EMC10: variants seen among roughly 807,000 people sequenced by gnomAD.
EMC10 encodes the protein ER membrane protein complex subunit 10, also known as UPF0510 protein INM02.
In EMC10, 40 loss-of-function variants were observed where a neutral mutation model predicts 32.2. The ratio of observed to expected loss-of-function variants is 1.24; its 90% CI spans 0.96 to 1.61. EMC10 has a LOEUF of 1.61. Ranked by LOEUF, EMC10 falls within the 40% of genes most tolerant of loss-of-function variation. The probability of loss-of-function intolerance (pLI) is 0.00; values close to 1 mark genes in which losing one functional copy is unlikely to be tolerated. For missense variants in EMC10, 402 were observed against 357.7 expected (o/e 1.12, Z -1.00); for synonymous variants, 178 against 158.4 (o/e 1.12, Z -0.93).
rs772372222 is a variant in EMC10 at position 50,480,619 on chromosome 19, C to T, written c.441C>T (p.Thr147=). ...LVESHLSDQL[T]LHVDVAGNVV... ...AGTCGCACCTGTCGGACCAGCTGAC[C>T]CTGCACGTGGATGTGGCCGGCAACG... Residue 147 remains threonine (T), a synonymous_variant, in exon 5 of 7, where the codon ACC becomes ACT. Transcript: ENST00000334976. The surrounding 1 kb of genome is among the most constrained non-coding windows in gnomAD (Gnocchi z 4.4). 3 of 1,573,882 alleles carry T rather than the reference C, an allele frequency of 1.9e-6. No individual in the cohort carries two copies. Among genetic ancestry groups the T allele is most frequent in the South Asian group, 1.2e-5 (1 of 85,822 alleles).
intron 6 of EMC10, chr19:50,481,937 A>C: frequency 1.9e-6 from 3 of 1,607,542 alleles, no homozygotes; most frequent in Non-Finnish European, 2.5e-6. Flanking sequence ...CCACCGCCAC[A>C]GGAGGCCTGA....
intron 6 of EMC10, 66 bp downstream of exon 6, chr19:50,481,043 C>T (rs2040312519): frequency 7.7e-7 from 1 of 1,298,596 alleles, no homozygotes; most frequent in East Asian, 2.4e-5. Flanking sequence ...CCAGGCCCTC[C>T]ATGCTCCCAC....
Position 50,485,328 on chromosome 19 carries a change from A to G in EMC10, c.*3069A>G, listed in dbSNP as rs1339851023. 1 of 151,904 alleles carries G rather than the reference A, an allele frequency of 6.6e-6. No individual in the cohort carries two copies. Among genetic ancestry groups the G allele is most frequent in the Non-Finnish European group, 1.5e-5 (1 of 68,020 alleles). 9.4% of individuals were successfully genotyped at this position (151,904 alleles called of 1,614,324 possible). A position where few individuals can be genotyped will look rare whatever the true frequency, so the allele number is the denominator to read the frequency against. On this transcript the variant is annotated 3_prime_UTR_variant, in exon 7 of 7. Coordinates refer to ENST00000334976, the MANE Select transcript of EMC10 (RefSeq NM_206538.4). ...AGCCCCTCTTCACCAGCGATTCCCC[A>G]ACTCATCTCCAGCTCAGATCCCACC...
In EMC10 at chr19:50,480,744, C is replaced by A. The variant is rs143536282; in HGVS notation, c.566C>A (p.Pro189Gln). 413 of 1,596,194 alleles carry A rather than the reference C, an allele frequency of 2.6e-4. No homozygotes were observed. Among genetic ancestry groups the A allele is most frequent in the Non-Finnish European group, 3.4e-4 (404 of 1,171,512 alleles). ...TTCAACACCTCGGTGCAGCTGCAGC[C>A]GCCCACCACAGCCCCAGGGTGAGCC... ...ELFNTSVQLQPPTTAPGPETA... is the reference protein window; with the variant it reads ...ELFNTSVQLQQPTTAPGPETA... The change falls in exon 5 of 7, where the codon CCG becomes CAG. Residue 189 changes from proline to glutamine, a missense_variant. By Grantham distance (76) the Pro-to-Gln change is moderately conservative (BLOSUM62 -1). Transcript: ENST00000334976. The surrounding 1 kb of genome is among the most constrained non-coding windows in gnomAD (Gnocchi z 4.4).
chr19:50,480,298 C>T lies in EMC10; in HGVS notation c.402+83C>T, dbSNP rs954391151. 3.2e-5 allele frequency: 44 copies of T among 1,387,048 alleles called. No homozygotes were observed. Among genetic ancestry groups the T allele is most frequent in the Middle Eastern group, 1.8e-4 (1 of 5,634 alleles). 85.9% of individuals were successfully genotyped at this position (1,387,048 alleles called of 1,614,324 possible). A position where few individuals can be genotyped will look rare whatever the true frequency, so the allele number is the denominator to read the frequency against. On this transcript the variant is annotated intron_variant, in intron 4 of 6. Coordinates refer to ENST00000334976, the MANE Select transcript of EMC10 (RefSeq NM_206538.4). This position sits in a 1 kb window ranked among gnomAD's most constrained non-coding sequence, Gnocchi z 4.4. ...GGTCCTGCTTCCACCATTCGAACCC[C>T]TGTGTTTCTGGAGCCCGCAGAGGCC...
rs1434678736 is a variant in EMC10, at chr19:50,485,899, A to C, written c.*3640A>C. ...TCTCTGCCTCCTGGACCCTCATCCT[A>C]GCCTCGTGACTTCTGGTCTAAGATG... On this transcript the variant is annotated 3_prime_UTR_variant, in exon 7 of 7. Coordinates refer to ENST00000334976, the MANE Select transcript of EMC10 (RefSeq NM_206538.4). The C allele has an allele frequency of 6.6e-6, 1 of 152,144 alleles. No homozygotes were observed. Among genetic ancestry groups the C allele is most frequent in the African/African-American group, 2.4e-5 (1 of 41,338 alleles). 9.4% of individuals were successfully genotyped at this position (152,144 alleles called of 1,614,324 possible).
rs1212736396 is a variant in EMC10 at position 50,483,172 on chromosome 19, C to T, written c.*913C>T. The T allele has an allele frequency of 4.4e-6, 2 of 455,928 alleles. No individual in the cohort carries two copies. The highest frequency in any genetic ancestry group is 8.8e-6 in the Non-Finnish European group (2 of 226,840). 28.2% of individuals were successfully genotyped at this position (455,928 alleles called of 1,614,324 possible). On this transcript the variant is annotated 3_prime_UTR_variant, in exon 7 of 7. Transcript: ENST00000334976. ...TTTGAAAAGCTACAGCTTCCAGCAG[C>T]CAAAAGCAACTGTTGTTTTGGCAAG...
At chr19:50,477,873 C>G in intron 1 of EMC10, 56 bp from the exon 2 acceptor site, 1 of 1,434,752 alleles carries the variant, frequency 7.0e-7, no homozygotes, top group Non-Finnish European at 9.5e-7. Flanking sequence ...CTGTGGGTGA[C>G]TACTATGCTG....
In EMC10 at chr19:50,490,551, T is replaced by C. The variant is rs1978583101; in HGVS notation, c.*8292T>C. The C allele has an allele frequency of 6.6e-6, 1 of 152,170 alleles. No homozygotes were observed. The highest frequency in any genetic ancestry group is 2.4e-5 in the African/African-American group (1 of 41,440). 9.4% of individuals were successfully genotyped at this position (152,170 alleles called of 1,614,324 possible). On this transcript the variant is annotated 3_prime_UTR_variant, in exon 7 of 7. Coordinates refer to ENST00000334976, the MANE Select transcript of EMC10 (RefSeq NM_206538.4). ...CTGTTGGTCGGAGACATCTGGACTT[T>C]CATGTGGACAGCCTGAGTGACAGGG... is the stretch of plus-strand genomic sequence containing the variant.
At position 50,482,217 on chromosome 19, in the gene EMC10, T is replaced by C; in HGVS notation, c.747T>C (p.Gly249=). The change falls in exon 7 of 7, where the codon GGT becomes GGC. Residue 249 remains glycine (G), a synonymous_variant. Transcript: ENST00000334976. ...MSGAPDTGGQ[G]GGGGGGGGGG... is the part of the protein sequence containing the mutation. ...GAGCGCCAGACACCGGGGGCCAGGG[T>C]GGGGGTGGGGGTGGGGGTGGTGGTG... 1.7e-5 allele frequency: 1 copy of C among 60,200 alleles called. No homozygotes were observed. The highest frequency in any genetic ancestry group is 3.0e-5 in the Non-Finnish European group (1 of 33,840). 3.7% of individuals were successfully genotyped at this position (60,200 alleles called of 1,614,324 possible).
intron 6 of EMC10, chr19:50,481,915 C>G: frequency 6.2e-7 from 1 of 1,604,126 alleles, no homozygotes; most frequent in East Asian, 2.2e-5. Context: ...TCCTGCTGCG[C>G]CAGGGCCCGC....
chr19:50,480,035 G>C lies in EMC10; in HGVS notation c.298-76G>C. On this transcript the variant is annotated intron_variant, in intron 3 of 6. Transcript: ENST00000334976. The surrounding 1 kb of genome is among the most constrained non-coding windows in gnomAD (Gnocchi z 4.4). ...GTGGGGCTGGAGAGGGGCCTTCGCG[G>C]AGGCCTGGTGGGCATCACAGCCTGT... is the stretch of plus-strand genomic sequence containing the variant. 1 of 1,222,928 alleles carries C rather than the reference G, an allele frequency of 8.2e-7. No individual in the cohort carries two copies. The highest frequency in any genetic ancestry group is 1.1e-6 in the Non-Finnish European group (1 of 871,860). The allele number at this position is 1,222,928 out of a possible 1,614,324, so 75.8% of individuals were successfully genotyped here.
rs1001556627 is a variant in EMC10 at position 50,482,778 on chromosome 19, T to A, written c.*519T>A. 7.7e-5 allele frequency: 38 copies of A among 493,338 alleles called. No homozygotes were observed. Among genetic ancestry groups the A allele is most frequent in the African/African-American group, 7.3e-4 (37 of 50,434 alleles). 30.6% of individuals were successfully genotyped at this position (493,338 alleles called of 1,614,324 possible). A position where few individuals can be genotyped will look rare whatever the true frequency, so the allele number is the denominator to read the frequency against. On this transcript the variant is annotated 3_prime_UTR_variant, in exon 7 of 7. Transcript: ENST00000334976. The stretch of plus-strand genomic sequence containing the variant: ...CTTGAGGGTACCCTGGGTCCCCTCA[T>A]CAGGGGCAGAGGCATGAAAGAGTCG...
chr19:50,485,818 C>T lies in EMC10; in HGVS notation c.*3559C>T, dbSNP rs1370346878. The T allele has an allele frequency of 6.6e-6, 1 of 152,628 alleles. No homozygotes were observed. Among genetic ancestry groups the T allele is most frequent in the Non-Finnish European group, 1.5e-5 (1 of 68,564 alleles). The allele number at this position is 152,628 out of a possible 1,614,324, so 9.5% of individuals were successfully genotyped here. On this transcript the variant is annotated 3_prime_UTR_variant, in exon 7 of 7. Coordinates refer to ENST00000334976, the MANE Select transcript of EMC10 (RefSeq NM_206538.4). Reference sequence around the variant, plus strand: ...CCCCCAGGATAGAGTCCCAACCCATCCTTCTGTGTCTCCTCCTCTCTGTGT... The same window carrying T: ...CCCCCAGGATAGAGTCCCAACCCATTCTTCTGTGTCTCCTCCTCTCTGTGT...
At position 50,483,979 on chromosome 19, in the gene EMC10, C is replaced by T. The variant is rs2040361738; in HGVS notation, c.*1720C>T. 1 of 137,714 alleles carries T rather than the reference C, an allele frequency of 7.3e-6. No individual in the cohort carries two copies. The highest frequency in any genetic ancestry group is 2.4e-4 in the South Asian group (1 of 4,206). 8.5% of individuals were successfully genotyped at this position (137,714 alleles called of 1,614,324 possible). A position where few individuals can be genotyped will look rare whatever the true frequency, so the allele number is the denominator to read the frequency against. On this transcript the variant is annotated 3_prime_UTR_variant, in exon 7 of 7. Coordinates refer to ENST00000334976, the MANE Select transcript of EMC10 (RefSeq NM_206538.4). ...TCTTCATTCCATGTGAATCCTGCTT[C>T]ATTCTTTTCCTAGAGGATTCCAGAA... is the stretch of plus-strand genomic sequence containing the variant.
rs1190940442 is a variant in EMC10, at chr19:50,480,130, G to T, written c.317G>T (p.Gly106Val). 6.2e-7 allele frequency: 1 copy of T among 1,611,940 alleles called. No individual in the cohort carries two copies. The highest frequency in any genetic ancestry group is 1.7e-5 in the Admixed American group (1 of 59,700). ...GRLRDVAALN[G>V]LYRVRIPRRP... The stretch of plus-strand genomic sequence containing the variant: ...CCCCAGGATGTGGCAGCCCTGAATG[G>T]CCTGTACCGGGTCCGGATCCCAAGG... The change falls in exon 4 of 7, where the codon GGC becomes GTC. Residue 106 changes from glycine (G) to valine (V), a missense_variant. Physicochemically the swap from Gly to Val is moderately radical, Grantham distance 109. Coordinates refer to ENST00000334976, the MANE Select transcript of EMC10 (RefSeq NM_206538.4). This position sits in a 1 kb window ranked among gnomAD's most constrained non-coding sequence, Gnocchi z 4.4.
At chr19:50,481,764 C>G (rs1245134654) in intron 6 of EMC10, 1 of 1,074,074 alleles carries the variant, frequency 9.3e-7, no homozygotes, top group African/African-American at 1.6e-5. Context: ...CTGCTGGGCC[C>G]TGCCCTGCTG....
At chr19:50,479,268 G>T (rs116071188) in intron 3 of EMC10, among the ~76,000 whole-genome samples, 12 of 152,214 alleles carry the variant, frequency 7.9e-5, no homozygotes, top group African/African-American at 2.9e-4. Flanking sequence ...CGCCAGGCAT[G>T]GTGTCCTGCA....
In EMC10 at chr19:50,477,686, A is replaced by C. The variant is rs545962350; in HGVS notation, c.115-243A>C. Among the ~76,000 whole-genome samples the C allele has an allele frequency of 1.6e-3, 239 of 152,292 alleles. 1 individual carries two copies. The highest frequency in any genetic ancestry group is 5.5e-3 in the African/African-American group (229 of 41,548). ...CAAGGCTTGGAAGTGACCTTGGGAT[A>C]GTTGCTTTGGCAATGAGGTTAGGCA... On this transcript the variant is annotated intron_variant, in intron 1 of 6. Coordinates refer to ENST00000334976, the MANE Select transcript of EMC10 (RefSeq NM_206538.4).
Sources: gnomAD v4.1 joint callset for allele counts (sites outside exome capture counted in the v4.1 genomes callset) on GRCh38, gnomAD v4.1.1 for gene constraint, Gnocchi (gnomAD v3.1) non-coding constraint, MANE v1.5 for transcripts, NCBI Gene and HGNC (gene_info 2026-07-23, HGNC 2026-07-21) for gene names.